The following MYL7 variants were observed in gnomAD, a reference collection of about 807,000 sequenced individuals.
MYL7 encodes myosin regulatory light chain 2, atrial isoform.
In MYL7, 27 loss-of-function variants were observed where a neutral mutation model predicts 22.5. That is an observed-to-expected ratio of 1.20 (90% confidence interval 0.89 to 1.66). The LOEUF (loss-of-function observed/expected upper bound fraction) is 1.66. MYL7 is among the 40% of genes most tolerant of loss of function. MYL7 has a pLI of 0.00. For missense variants in MYL7, 209 were observed against 226.8 expected, an observed-to-expected ratio of 0.92 and a Z score of 0.50; for synonymous variants, 81 against 84.4, an observed-to-expected ratio of 0.96 and a Z score of 0.22.
chr7:44,140,925 G>C (rs755741148), intron 2 of MYL7, 36 bp downstream of exon 2: 6 of 1,591,076 alleles, frequency 3.8e-6, no homozygotes, highest in Admixed American at 3.3e-5. Flanking sequence ...GGGGGGGCCA[G>C]GATGGGATCT....
Position 44,139,026 on chromosome 7 carries a change from C to T in MYL7, c.427-4G>A, listed in dbSNP as rs762001844. On this transcript the variant is annotated splice_polypyrimidine_tract_variant and splice_region_variant and intron_variant, in intron 6 of 6. Transcript: ENST00000223364. ...TCAGGGCGAACATCTGCTCCACCTG[C>T]AGGGGACACTGGTGAGTGGCAGTCC... The T allele has an allele frequency of 2.7e-5, 43 of 1,612,968 alleles. No individual in the cohort carries two copies. Among genetic ancestry groups the T allele is most frequent in the Non-Finnish European group, 3.6e-5 (42 of 1,179,160 alleles).
Position 44,140,321 on chromosome 7 carries a change from AC to A in MYL7, c.298+1del. The stretch of plus-strand genomic sequence containing the variant: ...GGGTGCCCAGCTCTGTCCCAGGCTC[AC>A]CATTGAGCTTCTCCCCAAAGAGCGT... On this transcript the variant is annotated splice_donor_variant, in intron 4 of 6. Transcript: ENST00000223364. LOFTEE classifies it high-confidence loss of function. 1.2e-6 allele frequency: 2 copies of A among 1,613,362 alleles called. No homozygotes were observed. Among genetic ancestry groups the A allele is most frequent in the Non-Finnish European group, 1.7e-6 (2 of 1,179,522 alleles).
intron 6 of MYL7, 157 bp downstream of exon 6, chr7:44,139,364 C>T: frequency 1.1e-6 from 1 of 877,324 alleles, no homozygotes; most frequent in Admixed American, 1.7e-5. Flanking sequence ...GACTCCACAT[C>T]TTTACCCTCT....
In MYL7 at chr7:44,139,770, G is replaced by A; in HGVS notation, c.377+12C>T. On this transcript the variant is annotated intron_variant, in intron 5 of 6. Coordinates refer to ENST00000223364, the MANE Select transcript of MYL7 (RefSeq NM_021223.3). ...ACCACGGTGCTCCTCATCTGGCTGG[G>A]CCCATACTTACTCATCCTTGTTCAC... 6.2e-7 allele frequency: 1 copy of A among 1,612,528 alleles called. No homozygotes were observed. The highest frequency in any genetic ancestry group is 8.5e-7 in the Non-Finnish European group (1 of 1,179,578).
chr7:44,140,494 C>T, intron 3 of MYL7, 67 bp from the exon 4 acceptor site: 2 of 1,415,352 alleles, frequency 1.4e-6, no homozygotes, highest in Non-Finnish European at 2.0e-6. Context: ...CCAGGCCGCC[C>T]TCCCTCCATC....
intron 4 of MYL7, 86 bp from the exon 5 acceptor site, chr7:44,139,946 TCC>T: frequency 1.7e-6 from 2 of 1,181,048 alleles, no homozygotes; most frequent in Non-Finnish European, 2.4e-6. Context: ...ATGAGGAGCC[TCC>T]CACATCCCAG....
At position 44,139,007 on chromosome 7, in the gene MYL7, C is replaced by T. The variant is rs140507647; in HGVS notation, c.442G>A (p.Ala148Thr). 3.8e-5 allele frequency: 61 copies of T among 1,613,888 alleles called. No homozygotes were observed. Among genetic ancestry groups the T allele is most frequent in the East Asian group, 1.1e-4 (5 of 44,892 alleles). The change falls in exon 7 of 7, where the codon GCC becomes ACC. Residue 148 changes from alanine (A) to threonine (T), a missense_variant. By Grantham distance (58) the Ala-to-Thr change is moderately conservative (BLOSUM62 0). Transcript: ENST00000223364. ...CCCGCCAGGTCCATGGGTGTCAGGGCGAACATCTGCTCCACCTGCAGGGGA... is the reference window on the plus strand; with the variant it reads ...CCCGCCAGGTCCATGGGTGTCAGGGTGAACATCTGCTCCACCTGCAGGGGA... ...FSPAEVEQMF[A>T]LTPMDLAGNI...
chr7:44,138,985 GC>G lies in MYL7; in HGVS notation c.463del (p.Ala155ArgfsTer34). On this transcript the variant is annotated frameshift_variant, in exon 7 of 7. Transcript: ENST00000223364. LOFTEE classifies it high-confidence loss of function. ...QMFALTPMDL[A>X]GNIDYKSLCY... ...CAGTGACTTGTAGTCGATGTTCCCC[GC>G]CAGGTCCATGGGTGTCAGGGCGAAC... The G allele has an allele frequency of 6.2e-7, 1 of 1,614,070 alleles. No individual in the cohort carries two copies.
rs781726299 is a variant in MYL7, at chr7:44,140,422, C to A, written c.199G>T (p.Val67Leu). ...LRETYSQLGK[V>L]SVPEEELDAM... ...TCCAGCTCCTCCTCTGGGACACTCACCTTCCCTGGTGGGGGTGGGGCATGA... is the reference window on the plus strand; with the variant it reads ...TCCAGCTCCTCCTCTGGGACACTCAACTTCCCTGGTGGGGGTGGGGCATGA... Residue 67 changes from valine to leucine, a missense_variant, in exon 4 of 7, where the codon GTG becomes TTG. Transcript: ENST00000223364. 1.9e-5 allele frequency: 31 copies of A among 1,613,426 alleles called. No homozygotes were observed. Among genetic ancestry groups the A allele is most frequent in the Admixed American group, 1.2e-4 (7 of 59,986 alleles).
rs762076423 is a variant in MYL7, at chr7:44,140,960, C to T, written c.117+1G>A. On this transcript the variant is annotated splice_donor_variant, in intron 2 of 6. Transcript: ENST00000223364. LOFTEE classifies it high-confidence loss of function. ...TGAGGCTACTGGGAGTGGGCACTCA[C>T]TTCTTTGAACTCCTGTATCTGGGCT... 6 of 1,613,520 alleles carry T rather than the reference C, an allele frequency of 3.7e-6. No homozygotes were observed. In the African/African-American group the frequency reaches 8.0e-5, roughly 22 times the overall value.
In MYL7 at chr7:44,139,510, G is replaced by C; in HGVS notation, c.426+11C>G. The C allele has an allele frequency of 6.2e-7, 1 of 1,613,672 alleles. No homozygotes were observed. The highest frequency in any genetic ancestry group is 8.5e-7 in the Non-Finnish European group (1 of 1,179,806). ...CTGGGGATGAGTATTGAAGGGGCTG[G>C]GCAGCCTCACCTCAGCTGGAGAGAA... On this transcript the variant is annotated intron_variant, in intron 6 of 6. Transcript: ENST00000223364.
In MYL7 at chr7:44,139,562, G is replaced by T. The variant is rs753348649; in HGVS notation, c.385C>A (p.Gln129Lys). The change falls in exon 6 of 7, where the codon CAG (glutamine) becomes AAG (lysine). Residue 129 changes from glutamine to lysine, a missense_variant. By Grantham distance (53) the Gln-to-Lys change is moderately conservative. Transcript: ENST00000223364. ...TTGTCTGCCTGGGTCAGGAGAAGCT[G>T]CTTGAACCTGGGGGGTGAGGAGGGT... ...KGVVNKDEFKQLLLTQADKFS... is the reference protein window; with the variant it reads ...KGVVNKDEFKKLLLTQADKFS... The T allele has an allele frequency of 8.7e-6, 14 of 1,607,910 alleles. No homozygotes were observed. Among genetic ancestry groups the T allele is most frequent in the Non-Finnish European group, 1.1e-5 (13 of 1,176,884 alleles).
intron 2 of MYL7, 59 bp from the exon 3 acceptor site, chr7:44,140,846 G>C (rs929915031): frequency 3.7e-6 from 6 of 1,603,888 alleles, no homozygotes; most frequent in African/African-American, 2.7e-5. Flanking sequence ...GGTGGGAGGT[G>C]GGGGAGAGAC....
chr7:44,139,796 C>T lies in MYL7; in HGVS notation c.363G>A (p.Val121=). 1.2e-6 allele frequency: 2 copies of T among 1,612,874 alleles called. No individual in the cohort carries two copies. Among genetic ancestry groups the T allele is most frequent in the Non-Finnish European group, 1.7e-6 (2 of 1,179,716 alleles). ...CCCATACTTACTCATCCTTGTTCACCACCCCTTTGCCGCTGGGGTCAAACA... is the reference window on the plus strand; with the variant it reads ...CCCATACTTACTCATCCTTGTTCACTACCCCTTTGCCGCTGGGGTCAAACA... The part of the protein sequence containing the change: ...FRMFDPSGKG[V]VNKDEFKQLL... The change falls in exon 5 of 7, where the codon GTG becomes GTA. Residue 121 remains valine (V), a synonymous_variant. Transcript: ENST00000223364.
intron 4 of MYL7, 149 bp from the exon 5 acceptor site, chr7:44,140,009 G>T: frequency 1.3e-6 from 1 of 774,512 alleles, no homozygotes; most frequent in Non-Finnish European, 2.0e-6. Context: ...GATCAGTGGG[G>T]CTGGGAATGG....
At chr7:44,141,221 C>A (rs779100561) in intron 1 of MYL7, 82 bp downstream of exon 1, 1 of 1,607,866 alleles carries the variant, frequency 6.2e-7, no homozygotes, top group Non-Finnish European at 8.5e-7. Context: ...CAACCCAACA[C>A]AAGCACAGAA....
At chr7:44,139,395 C>A (rs757042257) in intron 6 of MYL7, 126 bp downstream of exon 6, 1 of 1,063,058 alleles carries the variant, frequency 9.4e-7, no homozygotes, top group Non-Finnish European at 1.5e-6. Context: ...AGAGATGGCA[C>A]CTCCTCCAGA....
In MYL7 at chr7:44,140,576, G is replaced by C. The variant is rs997399513; in HGVS notation, c.193+136C>G. 3 of 1,138,782 alleles carry C rather than the reference G, an allele frequency of 2.6e-6. No individual in the cohort carries two copies. In the African/African-American group the frequency reaches 4.6e-5, roughly 18 times the overall value. The allele number at this position is 1,138,782 out of a possible 1,614,324, so 70.5% of individuals were successfully genotyped here. A position where few individuals can be genotyped will look rare whatever the true frequency, so the allele number is the denominator to read the frequency against. The stretch of plus-strand genomic sequence containing the variant: ...GTGAAGTGGAAGCAAGGCGTGACAA[G>C]GGGGGAAGGGCAGTGTGAGGAGACG... On this transcript the variant is annotated intron_variant, in intron 3 of 6. Coordinates refer to ENST00000223364, the MANE Select transcript of MYL7 (RefSeq NM_021223.3).
intron 3 of MYL7, 76 bp from the exon 4 acceptor site, chr7:44,140,503 T>C (rs1311800380): frequency 2.2e-6 from 3 of 1,369,724 alleles, no homozygotes; most frequent in Non-Finnish European, 3.1e-6. Context: ...CCTCCCTCCA[T>C]CCTGGCCACA....
Sources: gnomAD v4.1 joint callset for allele counts on GRCh38, gnomAD v4.1.1 for gene constraint, MANE v1.5 for transcripts, NCBI Gene and HGNC (gene_info 2026-07-23, HGNC 2026-07-21) for gene names.